The following PRKCA variants were observed in gnomAD, a reference collection of about 807,000 sequenced individuals.
The protein encoded by PRKCA is protein kinase C alpha type.
A neutral mutation model predicts 87.0 loss-of-function variants in PRKCA; 27 were observed. The ratio of observed to expected loss-of-function variants is 0.31; its 90% CI spans 0.23 to 0.43. PRKCA has a LOEUF of 0.43. PRKCA is among the 20% of genes least tolerant of loss of function. The pLI is 1.00. For synonymous variants in PRKCA, 329 were observed against 311.1 expected (o/e 1.06, Z -0.61); for missense variants, 518 against 852.3 (o/e 0.61, Z 4.88).
intron 14 of PRKCA, among the ~76,000 whole-genome samples, chr17:66,780,299 G>A (rs929142820): frequency 1.3e-5 from 2 of 152,146 alleles, no homozygotes; most frequent in African/African-American, 4.8e-5. Flanking sequence ...TCAACTCATG[G>A]GAACACTGGC....
At chr17:66,577,355 G>T (rs2143437149) in intron 3 of PRKCA, among the ~76,000 whole-genome samples, 2 of 152,222 alleles carry the variant, frequency 1.3e-5, no homozygotes, top group Admixed American at 1.3e-4. Context: ...CTCCTGATTT[G>T]GGCCTGAGAG....
At chr17:66,312,573 T>C (rs763424083) in intron 2 of PRKCA, among the ~76,000 whole-genome samples, 63 of 152,164 alleles carry the variant, frequency 4.1e-4, no homozygotes, top group Non-Finnish European at 6.2e-4. Flanking sequence ...CCTGGGTCAT[T>C]GTGAATAAGT....
intron 10 of PRKCA, among the ~76,000 whole-genome samples, chr17:66,737,537 T>C (rs1166462773): frequency 6.6e-6 from 1 of 152,224 alleles, no homozygotes; most frequent in Non-Finnish European, 1.5e-5. Flanking sequence ...ATTGACTTTC[T>C]GTCTTATGCC....
At chr17:66,594,202 A>T (rs1033917781) in intron 3 of PRKCA, among the ~76,000 whole-genome samples, 37 of 152,338 alleles carry the variant, frequency 2.4e-4, no homozygotes, top group African/African-American at 8.4e-4. Flanking sequence ...AGTATTTCAC[A>T]GGGAGATCCA....
chr17:66,389,185 A>G (rs1196595670), intron 2 of PRKCA, among the ~76,000 whole-genome samples: 1 of 152,124 alleles, frequency 6.6e-6, no homozygotes, highest in East Asian at 1.9e-4. Flanking sequence ...TTCCTGCAAC[A>G]CCCTTCACAA....
intron 3 of PRKCA, among the ~76,000 whole-genome samples, chr17:66,558,857 G>A (rs1483591289): frequency 6.6e-6 from 1 of 152,156 alleles, no homozygotes; most frequent in African/African-American, 2.4e-5. Context: ...GGACCTGAGG[G>A]GTAATCTGCC....
intron 3 of PRKCA, among the ~76,000 whole-genome samples, chr17:66,497,031 G>A (rs557665518): frequency 6.6e-6 from 1 of 152,306 alleles, no homozygotes; most frequent in South Asian, 2.1e-4. Flanking sequence ...GTTTACTCCA[G>A]GGGATTCTTG....
At chr17:66,790,754 T>G (rs1458881340) in intron 16 of PRKCA, among the ~76,000 whole-genome samples, 1 of 152,172 alleles carries the variant, frequency 6.6e-6, no homozygotes, top group Non-Finnish European at 1.5e-5. Context: ...TTCTATTTAT[T>G]GCCACGTTAT....
rs1912902134 is a variant in PRKCA at position 66,427,977 on chromosome 17, G to A, written c.206-68224G>A. On this transcript the variant is annotated intron_variant, in intron 2 of 16. Transcript: ENST00000413366. ...TGTAACTTGTTTTTGTGGCCTCTGT[G>A]ATTCCTCCTCCTGACCTCTGCTGTG... 5.3e-5 allele frequency among the ~76,000 whole-genome samples: 8 copies of A among 152,286 alleles called. No homozygotes were observed. In the South Asian group the frequency reaches 1.7e-3, roughly 32 times the overall value.
At position 66,497,094 on chromosome 17, in the gene PRKCA, ATC is replaced by A. The variant is rs1165036031; in HGVS notation, c.288+813_288+814del. ...CTGCTGCTGATTGAAATAATTTAGC[ATC>A]TGTTTCACTGAACAGTGATCTCTGA... On this transcript the variant is annotated intron_variant, in intron 3 of 16. Transcript: ENST00000413366. Among the ~76,000 whole-genome samples, 4 of 152,320 alleles carry A rather than the reference ATC, an allele frequency of 2.6e-5. No individual in the cohort carries two copies. In the East Asian group the frequency reaches 5.8e-4, roughly 22 times the overall value.
At chr17:66,347,202 G>A (rs989634180) in intron 2 of PRKCA, among the ~76,000 whole-genome samples, 7 of 152,064 alleles carry the variant, frequency 4.6e-5, no homozygotes, top group African/African-American at 1.7e-4. Flanking sequence ...ATAATTTTAT[G>A]AAAAAGGACA....
chr17:66,783,774 G>C (rs1975304465), intron 14 of PRKCA, among the ~76,000 whole-genome samples: 1 of 152,186 alleles, frequency 6.6e-6, no homozygotes, highest in Non-Finnish European at 1.5e-5. Context: ...GTTTCTCTTA[G>C]GCCTTTGGTT....
chr17:66,547,678 A>G (rs931018034), intron 3 of PRKCA, among the ~76,000 whole-genome samples: 2 of 152,194 alleles, frequency 1.3e-5, no homozygotes, highest in Non-Finnish European at 1.5e-5. Flanking sequence ...AGTCATTTTG[A>G]CAGCTTCAAA....
At chr17:66,708,082 C>G (rs146456513) in intron 8 of PRKCA, among the ~76,000 whole-genome samples, 10 of 152,302 alleles carry the variant, frequency 6.6e-5, no homozygotes, top group African/African-American at 2.2e-4. Flanking sequence ...GATGAGGCCT[C>G]TTTGCCCATT....
At chr17:66,412,728 T>C (rs1333705953) in intron 2 of PRKCA, 1 of 152,178 alleles carries the variant, frequency 6.6e-6, no homozygotes, top group African/African-American at 2.4e-5. Context: ...GTTAGTAGTT[T>C]CATGAAGATA....
intron 2 of PRKCA, among the ~76,000 whole-genome samples, chr17:66,396,631 C>CT (rs10626483): frequency 0.08 from 10,920 of 137,122 alleles, 818 homozygotes; most frequent in African/African-American, 0.17. Flanking sequence ...CATTCTCTCT[C>CT]TTTTTTTTTT....
At chr17:66,651,836 A>G (rs1971598322) in intron 5 of PRKCA, among the ~76,000 whole-genome samples, 2 of 152,210 alleles carry the variant, frequency 1.3e-5, no homozygotes, top group African/African-American at 2.4e-5. Context: ...GATCCCTCCA[A>G]CTGCAAAGGT....
intron 16 of PRKCA, chr17:66,796,710 C>T (rs187155203): frequency 1.0e-6 from 1 of 985,344 alleles, no homozygotes; most frequent in Admixed American, 6.1e-5. Flanking sequence ...GTGAAATGCA[C>T]CAGCCCATTT....
chr17:66,383,866 C>CT (rs1338327724), intron 2 of PRKCA, among the ~76,000 whole-genome samples: 1 of 151,874 alleles, frequency 6.6e-6, no homozygotes, highest in Non-Finnish European at 1.5e-5. Context: ...GGCAGAATAG[C>CT]TTGAACCTGG....
Sources: allele counts gnomAD v4.1 joint callset (sites outside exome capture counted in the v4.1 genomes callset), GRCh38; gene constraint gnomAD v4.1.1; transcripts MANE v1.5; gene names NCBI Gene and HGNC (gene_info 2026-07-23, HGNC 2026-07-21).